The following HS6ST2 variants were observed in gnomAD, a reference collection of about 807,000 sequenced individuals.
HS6ST2 encodes the protein heparan sulfate 6-O-sulfotransferase 2.
A neutral mutation model predicts 33.0 loss-of-function variants in HS6ST2; 17 were observed. The ratio of observed to expected loss-of-function variants is 0.52; its 90% CI spans 0.35 to 0.77. The LOEUF (loss-of-function observed/expected upper bound fraction) is 0.77. HS6ST2 is among the 30% of genes least tolerant of loss of function. The probability of loss-of-function intolerance (pLI) is 0.01; values close to 1 mark genes in which losing one functional copy is unlikely to be tolerated. For synonymous variants in HS6ST2, 248 were observed against 237.1 expected, an observed-to-expected ratio of 1.05 and a Z score of -0.42; for missense variants, 519 against 551.7, an observed-to-expected ratio of 0.94 and a Z score of 0.59.
At chrX:132,945,000 A>C (rs2066932537) in intron 2 of HS6ST2, among the ~76,000 whole-genome samples, 1 of 112,187 alleles carries the variant, frequency 8.9e-6, no homozygotes, top group South Asian at 3.7e-4. Context: ...CAAAATTCAC[A>C]AATGATATCT....
At chrX:132,849,126 C>T (rs747935472) in intron 2 of HS6ST2, among the ~76,000 whole-genome samples, 29 of 111,452 alleles carry the variant, frequency 2.6e-4, no homozygotes, top group Non-Finnish European at 4.3e-4. Flanking sequence ...TTTTTAATGT[C>T]CGTTTTTCTC....
chrX:132,661,098 G>A (rs1170179374), intron 4 of HS6ST2, among the ~76,000 whole-genome samples: 1 of 111,469 alleles, frequency 9.0e-6, no homozygotes, highest in East Asian at 2.8e-4. Context: ...TCTCTCCCTT[G>A]ACACATGGGG....
chrX:132,803,316 T>C (rs932161594), intron 2 of HS6ST2, among the ~76,000 whole-genome samples: 1 of 111,954 alleles, frequency 8.9e-6, no homozygotes, highest in Non-Finnish European at 1.9e-5. Context: ...ATCTGCAAGA[T>C]ATGACCTAAT....
intron 2 of HS6ST2, among the ~76,000 whole-genome samples, chrX:132,861,810 C>A (rs1193390227): frequency 9.0e-6 from 1 of 111,455 alleles, no homozygotes; most frequent in African/African-American, 3.3e-5. Context: ...CTTTCTTATT[C>A]GTTGCAAATA....
chrX:132,657,677 T>C (rs2063740901), intron 4 of HS6ST2, among the ~76,000 whole-genome samples: 1 of 107,244 alleles, frequency 9.3e-6, no homozygotes, highest in South Asian at 4.4e-4. Flanking sequence ...ATGAGAATGA[T>C]TACCTGCATT....
chrX:132,856,407 G>A (rs1158818187), intron 2 of HS6ST2, among the ~76,000 whole-genome samples: 5 of 111,881 alleles, frequency 4.5e-5, no homozygotes, highest in South Asian at 3.8e-4. Flanking sequence ...GGCATCCGCC[G>A]GGGGTCTTGG....
intron 2 of HS6ST2, among the ~76,000 whole-genome samples, chrX:132,758,821 A>C (rs1415609405): frequency 3.6e-5 from 4 of 111,804 alleles, no homozygotes; most frequent in African/African-American, 1.3e-4. Context: ...TTCTCACTTG[A>C]GCATCAAGCC....
At chrX:132,824,425 A>G (rs2065495911) in intron 2 of HS6ST2, among the ~76,000 whole-genome samples, 1 of 112,737 alleles carries the variant, frequency 8.9e-6, no homozygotes, top group South Asian at 3.7e-4. Context: ...GCAAAAGTAG[A>G]AAAGCAGACA....
At position 132,857,716 on chromosome X, in the gene HS6ST2, A is replaced by T. The variant is rs151305775; in HGVS notation, c.947+99092T>A. On this transcript the variant is annotated intron_variant, in intron 2 of 4. Transcript: ENST00000370833. ...GATTTGGTTGAGTCTACACACAACT[A>T]GTAAATGGCAGATCTGGACAAGAAT... Among the ~76,000 whole-genome samples, 270 of 111,840 alleles carry T rather than the reference A, an allele frequency of 2.4e-3. 10 individuals are homozygous for T. The East Asian group carries it at 0.056, about 23-fold the overall frequency.
chrX:132,936,848 TA>T (rs2066828387), intron 2 of HS6ST2, among the ~76,000 whole-genome samples: 1 of 102,314 alleles, frequency 9.8e-6, no homozygotes, highest in African/African-American at 3.6e-5. Flanking sequence ...CACTTGAACC[TA>T]AAATAAAAGT....
At chrX:132,650,431 CTT>C (rs1179102738) in intron 4 of HS6ST2, among the ~76,000 whole-genome samples, 2 of 111,569 alleles carry the variant, frequency 1.8e-5, no homozygotes, top group Non-Finnish European at 3.8e-5. Flanking sequence ...GGACCAATAA[CTT>C]AGTGATAAAT....
chrX:132,835,912 T>C (rs2148393139), intron 2 of HS6ST2, among the ~76,000 whole-genome samples: 1 of 111,859 alleles, frequency 8.9e-6, no homozygotes, highest in Admixed American at 9.5e-5. Flanking sequence ...CAAGACTGTC[T>C]GGGGTGGAGG....
intron 2 of HS6ST2, among the ~76,000 whole-genome samples, chrX:132,787,177 A>ATGTG (rs1319581358): frequency 0.013 from 1,044 of 82,400 alleles, 15 homozygotes; most frequent in Middle Eastern, 0.022. Flanking sequence ...GTATATATAT[A>ATGTG]TATATATATA....
chrX:132,878,617 G>A (rs2066131500), intron 2 of HS6ST2, among the ~76,000 whole-genome samples: 1 of 112,117 alleles, frequency 8.9e-6, no homozygotes, highest in Admixed American at 9.5e-5. Context: ...CAAAGATGGT[G>A]AATGATGCCA....
Position 132,629,682 on chromosome X carries a change from G to A in HS6ST2, c.1068-589C>T, listed in dbSNP as rs368054103. Among the ~76,000 whole-genome samples, 6 of 111,976 alleles carry A rather than the reference G, an allele frequency of 5.4e-5. No homozygotes were observed. The East Asian group carries it at 1.4e-3, about 26-fold the overall frequency. ...GTATGATATGATACTCTTGATTCTG[G>A]CTGTTGTCATATTATGGCTCATACA... is the stretch of plus-strand genomic sequence containing the variant. On this transcript the variant is annotated intron_variant, in intron 4 of 4. Coordinates refer to ENST00000370833, the MANE Select transcript of HS6ST2 (RefSeq NM_001394073.1).
At chrX:132,765,152 TG>T (rs1388155812) in intron 2 of HS6ST2, among the ~76,000 whole-genome samples, 1 of 112,036 alleles carries the variant, frequency 8.9e-6, no homozygotes, top group African/African-American at 3.2e-5. Context: ...CTTGCAAGCC[TG>T]GAAGAGAGAG....
At chrX:132,912,891 T>A (rs1485835475) in intron 2 of HS6ST2, among the ~76,000 whole-genome samples, 1 of 112,090 alleles carries the variant, frequency 8.9e-6, no homozygotes, top group East Asian at 2.8e-4. Flanking sequence ...ATGCTTTCCT[T>A]TAATTGATCC....
chrX:132,665,327 T>C (rs1296698329), intron 4 of HS6ST2, among the ~76,000 whole-genome samples: 1 of 111,587 alleles, frequency 9.0e-6, no homozygotes, highest in African/African-American at 3.3e-5. Context: ...TAGCATACAT[T>C]GCAGTGGAAA....
intron 4 of HS6ST2, among the ~76,000 whole-genome samples, chrX:132,666,515 C>A (rs936389640): frequency 3.6e-5 from 4 of 111,449 alleles, no homozygotes; most frequent in African/African-American, 1.3e-4. Context: ...CCTCTTGGAG[C>A]CTCAATTTCC....
Sources: gnomAD v4.1 joint callset for allele counts (sites outside exome capture counted in the v4.1 genomes callset) on GRCh38, gnomAD v4.1.1 for gene constraint, MANE v1.5 for transcripts, NCBI Gene and HGNC (gene_info 2026-07-23, HGNC 2026-07-21) for gene names.